PIGG: variants seen among roughly 807,000 people sequenced by gnomAD.
PIGG encodes GPI ethanolamine phosphate transferase 2, catalytic subunit.
PIGG carries 70 observed loss-of-function variants against 83.2 expected under a neutral mutation model. The observed-to-expected ratio is 0.84, with a 90% confidence interval of 0.69 to 1.03. The LOEUF is 1.03. Ranked by LOEUF, PIGG falls within the 50% of genes least tolerant of loss-of-function variation. The pLI, the probability that PIGG is intolerant of heterozygous loss-of-function variation, is 0.00. For synonymous variants in PIGG, 532 were observed against 519.5 expected (o/e 1.02, Z -0.33); for missense variants, 1,257 against 1,233.6 (o/e 1.02, Z -0.28).
chr4:519,106 G>T (rs1190613607), intron 6 of PIGG, among the ~76,000 whole-genome samples: 1 of 152,136 alleles, frequency 6.6e-6, no homozygotes, highest in South Asian at 2.1e-4. Context: ...TCCAAAATCA[G>T]TTCCTCCCCA....
At chr4:505,574 A>C in intron 2 of PIGG, 144 bp from the exon 3 acceptor site, 1 of 589,736 alleles carries the variant, frequency 1.7e-6, no homozygotes, top group Non-Finnish European at 3.0e-6. Context: ...TCAAAGCTGC[A>C]GTGATCCCTG....
intron 6 of PIGG, among the ~76,000 whole-genome samples, chr4:519,707 C>T (rs906498548): frequency 1.1e-4 from 16 of 151,368 alleles, no homozygotes; most frequent in African/African-American, 3.6e-4. Flanking sequence ...GGCCTGCAGG[C>T]GTGTGGGTTC....
intron 5 of PIGG, among the ~76,000 whole-genome samples, chr4:512,211 T>G (rs1281768399): frequency 6.7e-6 from 1 of 149,688 alleles, no homozygotes; most frequent in African/African-American, 2.5e-5. Context: ...GTTTCAGTTA[T>G]CATACTTTTT....
intron 3 of PIGG, 64 bp downstream of exon 3, chr4:505,991 C>G: frequency 9.0e-7 from 1 of 1,114,046 alleles, no homozygotes. Context: ...GCCTGGCATC[C>G]CATTACTTAG....
In PIGG at chr4:521,113, T is replaced by A. The variant is rs775584448; in HGVS notation, c.1172T>A (p.Leu391Gln). The A allele has an allele frequency of 6.8e-6, 11 of 1,614,092 alleles. No homozygotes were observed. The highest frequency in any genetic ancestry group is 9.3e-6 in the Non-Finnish European group (11 of 1,180,022). The change falls in exon 7 of 13, where the codon CTG becomes CAG. Residue 391 changes from leucine to glutamine, a missense_variant. Physicochemically the swap from Leu to Gln is moderately radical, Grantham distance 113. Coordinates refer to ENST00000453061, the MANE Select transcript of PIGG (RefSeq NM_001127178.3). ...AGATTGCATGGGAACTGGATCAGAC[T>A]GTACTTGGAGGAAAAGCATTCAGAA... ...SERLHGNWIR[L>Q]YLEEKHSEVL...
In PIGG at chr4:518,777, C is replaced by G. The variant is rs376285589; in HGVS notation, c.1115-2279C>G. On this transcript the variant is annotated intron_variant, in intron 6 of 12. Transcript: ENST00000453061. ...ACAGCCACAGCGTCTGGAACCCCCC[C>G]TGGCGGCCCATTGTCTACACCGTCG... Among the ~76,000 whole-genome samples the G allele has an allele frequency of 9.4e-4, 143 of 152,240 alleles. 6 individuals carry two copies. In the South Asian group the frequency reaches 0.027, roughly 29 times the overall value.
At chr4:525,831 T>G (rs1727428373) in intron 9 of PIGG, 1 of 152,140 alleles carries the variant, frequency 6.6e-6, no homozygotes, top group African/African-American at 2.4e-5. Context: ...TGGTCCCCAC[T>G]CCAGAGGTGA....
In PIGG at chr4:523,539, G is replaced by T; in HGVS notation, c.1695G>T (p.Leu565=). 1 of 1,614,206 alleles carries T rather than the reference G, an allele frequency of 6.2e-7. No homozygotes were observed. The highest frequency in any genetic ancestry group is 8.5e-7 in the Non-Finnish European group (1 of 1,180,030). Residue 565 remains leucine (L), a synonymous_variant, in exon 9 of 13, where the codon CTG becomes CTT. Coordinates refer to ENST00000453061, the MANE Select transcript of PIGG (RefSeq NM_001127178.3). ...GGACGGCGGGCCACGTCTTGAGCCT[G>T]GGCGCCAGCAGCTTCGTGGAGGAGG... is the stretch of plus-strand genomic sequence containing the variant. The part of the protein sequence containing the change: ...LLGTAGHVLS[L]GASSFVEEEH...
rs1030754621 is a variant in PIGG, at chr4:540,034, GCA to G, written c.*671_*672del. 7 of 152,214 alleles carry G rather than the reference GCA, an allele frequency of 4.6e-5. No homozygotes were observed. Among genetic ancestry groups the G allele is most frequent in the African/African-American group, 1.7e-4 (7 of 41,422 alleles). The allele number at this position is 152,214 out of a possible 1,614,324, so 9.4% of individuals were successfully genotyped here. ...TTCAAAAAATTAGCTGGGCGTGATG[GCA>G]CACACCTGTGGTCCCAGCTACTCAG... On this transcript the variant is annotated 3_prime_UTR_variant, in exon 13 of 13. Coordinates refer to ENST00000453061, the MANE Select transcript of PIGG (RefSeq NM_001127178.3).
intron 2 of PIGG, among the ~76,000 whole-genome samples, chr4:502,990 A>G (rs1303327870): frequency 1.3e-5 from 2 of 152,108 alleles, no homozygotes; most frequent in Admixed American, 1.3e-4. Context: ...GGAATCCACC[A>G]AGGAAGAAAG....
At position 527,742 on chromosome 4, in the gene PIGG, G is replaced by A. The variant is rs572168075; in HGVS notation, c.2261+512G>A. 122 of 985,322 alleles carry A rather than the reference G, an allele frequency of 1.2e-4. No individual in the cohort carries two copies. The South Asian group carries it at 4.5e-3, about 36-fold the overall frequency. 61.0% of individuals were successfully genotyped at this position (985,322 alleles called of 1,614,324 possible). ...GGGCCAGGAGCTCCTGTTGATTGGC[G>A]GGAGGGCTCAGTCAGGAGGACCATT... On this transcript the variant is annotated intron_variant, in intron 10 of 12. Transcript: ENST00000453061.
At position 528,303 on chromosome 4, in the gene PIGG, A is replaced by G. The variant is rs1728215508; in HGVS notation, c.2261+1073A>G. ...ATTATATTTAGGACCTGAAATCATA[A>G]GATTGTGGTCTTGCTTTTTACTTAT... is the stretch of plus-strand genomic sequence containing the variant. On this transcript the variant is annotated intron_variant, in intron 10 of 12. Coordinates refer to ENST00000453061, the MANE Select transcript of PIGG (RefSeq NM_001127178.3). This position sits in a 1 kb window ranked among gnomAD's most constrained non-coding sequence, Gnocchi z 4.8. The G allele has an allele frequency of 1.0e-6, 1 of 984,052 alleles. No individual in the cohort carries two copies. The highest frequency in any genetic ancestry group is 1.7e-5 in the African/African-American group (1 of 57,216). The allele number at this position is 984,052 out of a possible 1,614,324, so 61.0% of individuals were successfully genotyped here.
At chr4:523,339 G>A in intron 8 of PIGG, 120 bp from the exon 9 acceptor site, 2 of 756,236 alleles carry the variant, frequency 2.6e-6, no homozygotes, top group East Asian at 2.5e-5. Context: ...CCAGGTGCTG[G>A]GTGTGAGGAA....
chr4:522,747 A>G (rs1415877385), intron 8 of PIGG: 5 of 154,014 alleles, frequency 3.2e-5, no homozygotes, highest in Non-Finnish European at 7.2e-5. Context: ...CCTCGGGCCC[A>G]TCTGGGCTCA....
intron 1 of PIGG, 146 bp downstream of exon 1, chr4:499,635 C>T: frequency 7.0e-7 from 1 of 1,420,634 alleles, no homozygotes; most frequent in Non-Finnish European, 9.2e-7. Context: ...TTTTTTTTAA[C>T]CGCTCCAGCG....
In PIGG at chr4:515,987, C is replaced by A; in HGVS notation, c.916C>A (p.Pro306Thr). 1 of 1,613,910 alleles carries A rather than the reference C, an allele frequency of 6.2e-7. No individual in the cohort carries two copies. Among genetic ancestry groups the A allele is most frequent in the African/African-American group, 1.3e-5 (1 of 75,040 alleles). The change falls in exon 6 of 13, where the codon CCA becomes ACA. Residue 306 changes from proline to threonine, a missense_variant. Coordinates refer to ENST00000453061, the MANE Select transcript of PIGG (RefSeq NM_001127178.3). The surrounding 1 kb of genome is among the most constrained non-coding windows in gnomAD (Gnocchi z 4.2). ...FERKPGDIRH[P>T]KHVQQTDVAA... ...CTTTCTTCTAGGTGATATCCGACAT[C>A]CAAAGCACGTCCAACAGACGGATGT...
intron 6 of PIGG, among the ~76,000 whole-genome samples, chr4:520,563 TG>T (rs764290946): frequency 2.2e-4 from 34 of 152,210 alleles, no homozygotes; most frequent in Admixed American, 5.9e-4. Flanking sequence ...CAGTCTGCAC[TG>T]GGGAAGTGGG....
intron 5 of PIGG, among the ~76,000 whole-genome samples, chr4:514,851 A>T (rs1186763493): frequency 6.6e-6 from 1 of 152,222 alleles, no homozygotes; most frequent in Non-Finnish European, 1.5e-5. Context: ...CAGTGCTGCC[A>T]CTACCAGTAT....
chr4:538,061 C>CCA (rs1553902538), intron 12 of PIGG, among the ~76,000 whole-genome samples: 1 of 114,430 alleles, frequency 8.7e-6, no homozygotes, highest in Non-Finnish European at 1.8e-5. Flanking sequence ...ACCCACACAC[C>CCA]CACACACACG....
Sources: allele counts gnomAD v4.1 joint callset (sites outside exome capture counted in the v4.1 genomes callset), GRCh38; gene constraint gnomAD v4.1.1; non-coding constraint Gnocchi (gnomAD v3.1); transcripts MANE v1.5; gene names NCBI Gene and HGNC (gene_info 2026-07-23, HGNC 2026-07-21).